IQCJ: variants seen among roughly 807,000 people sequenced by gnomAD.
IQCJ encodes the protein IQ domain-containing protein J.
IQCJ carries 9 observed loss-of-function variants against 11.0 expected under a neutral mutation model. That is an observed-to-expected ratio of 0.82 (90% CI 0.49 to 1.43). The LOEUF (loss-of-function observed/expected upper bound fraction) is 1.43. Ranked by LOEUF, IQCJ falls within the 40% of genes most tolerant of loss-of-function variation. The probability of loss-of-function intolerance (pLI) is 0.00; values close to 1 mark genes in which losing one functional copy is unlikely to be tolerated. For synonymous variants in IQCJ, 55 were observed against 51.3 expected (o/e 1.07, Z -0.31); for missense variants, 146 against 133.2 (o/e 1.10, Z -0.47).
At chr3:159,133,853 C>T (rs1720135225) in intron 1 of IQCJ, among the ~76,000 whole-genome samples, 1 of 151,890 alleles carries the variant, frequency 6.6e-6, no homozygotes, top group South Asian at 2.1e-4. Context: ...CTTTAAACAA[C>T]AATTTACTAT....
At chr3:159,092,679 C>G (rs1717403604) in intron 1 of IQCJ, among the ~76,000 whole-genome samples, 1 of 139,368 alleles carries the variant, frequency 7.2e-6, no homozygotes, top group East Asian at 2.1e-4. Context: ...GCCTGGGCGA[C>G]AGAGTGAGAC....
In IQCJ at chr3:159,263,589, ATTACTTCCAAAAATTTTTCT is replaced by A. The variant is rs1441650479; in HGVS notation, c.*861_*880del. ...AGAAATGAAGTAATTACACAAGTAT[ATTACTTCCAAAAATTTTTCT>A]TTTACTTTTGGTTATCATGTTTATT... On this transcript the variant is annotated 3_prime_UTR_variant, in exon 4 of 4. Transcript: ENST00000397832. The A allele has an allele frequency of 2.4e-5, 24 of 984,972 alleles. No homozygotes were observed. The highest frequency in any genetic ancestry group is 2.5e-5 in the Non-Finnish European group (21 of 829,636). 61.0% of individuals were successfully genotyped at this position (984,972 alleles called of 1,614,324 possible).
chr3:159,167,616 A>G (rs576319836), intron 1 of IQCJ, among the ~76,000 whole-genome samples: 2 of 152,202 alleles, frequency 1.3e-5, no homozygotes, highest in African/African-American at 4.8e-5. Context: ...TGTTTTGAAG[A>G]TGGAAGAAAG....
At chr3:159,220,009 GA>G (rs937076867) in intron 1 of IQCJ, among the ~76,000 whole-genome samples, 1 of 152,088 alleles carries the variant, frequency 6.6e-6, no homozygotes, top group South Asian at 2.1e-4. Flanking sequence ...GTTGAGGCAT[GA>G]AAAAAACCCA....
chr3:159,144,657 CACAG>C (rs1403673993), intron 1 of IQCJ, among the ~76,000 whole-genome samples: 5 of 34,978 alleles, frequency 1.4e-4, no homozygotes, highest in Non-Finnish European at 2.2e-4. Flanking sequence ...CACATACACA[CACAG>C]ACACACACAC....
chr3:159,080,344 G>A (rs1410411801), intron 1 of IQCJ, among the ~76,000 whole-genome samples: 2 of 152,016 alleles, frequency 1.3e-5, no homozygotes, highest in Non-Finnish European at 2.9e-5. Flanking sequence ...AGTCAGGGGC[G>A]TATAAACTCT....
At chr3:159,257,429 C>T (rs1727957271) in intron 3 of IQCJ, among the ~76,000 whole-genome samples, 1 of 152,146 alleles carries the variant, frequency 6.6e-6, no homozygotes, top group African/African-American at 2.4e-5. Context: ...CATTGACATT[C>T]TTGACAGTCT....
At chr3:159,115,751 C>T (rs1212266820) in intron 1 of IQCJ, among the ~76,000 whole-genome samples, 1 of 152,104 alleles carries the variant, frequency 6.6e-6, no homozygotes, top group East Asian at 1.9e-4. Flanking sequence ...GGAGACCCAT[C>T]TCTAAAAAAA....
At chr3:159,105,838 A>G (rs1335029898) in intron 1 of IQCJ, among the ~76,000 whole-genome samples, 2 of 152,208 alleles carry the variant, frequency 1.3e-5, no homozygotes, top group African/African-American at 4.8e-5. Context: ...CGTATAGGAC[A>G]TGATGAGGAC....
intron 1 of IQCJ, among the ~76,000 whole-genome samples, chr3:159,088,467 G>A (rs1192495092): frequency 2.6e-5 from 4 of 152,186 alleles, no homozygotes; most frequent in East Asian, 3.9e-4. Flanking sequence ...CAATTCCTGG[G>A]TATCCTTGTT....
chr3:159,179,194 G>T (rs909877080), intron 1 of IQCJ, among the ~76,000 whole-genome samples: 2 of 152,062 alleles, frequency 1.3e-5, no homozygotes, highest in African/African-American at 2.4e-5. Flanking sequence ...TATGCAGTTT[G>T]GATGCTAGAC....
At chr3:159,101,257 C>T (rs373339273) in intron 1 of IQCJ, among the ~76,000 whole-genome samples, 7 of 149,828 alleles carry the variant, frequency 4.7e-5, no homozygotes, top group East Asian at 2.0e-4. Flanking sequence ...CACTGGCCTG[C>T]GCCCACTGTC....
chr3:159,186,631 C>T (rs1461054230), intron 1 of IQCJ, among the ~76,000 whole-genome samples: 1 of 152,198 alleles, frequency 6.6e-6, no homozygotes, highest in African/African-American at 2.4e-5. Flanking sequence ...AGAAAATGTG[C>T]TCATGCTCTT....
At chr3:159,159,274 AG>A (rs1721701900) in intron 1 of IQCJ, among the ~76,000 whole-genome samples, 1 of 152,094 alleles carries the variant, frequency 6.6e-6, no homozygotes, top group African/African-American at 2.4e-5. Context: ...TTGATAAAGG[AG>A]AAGGTTGGGG....
intron 3 of IQCJ, 78 bp downstream of exon 3, chr3:159,252,885 A>C (rs1727685438): frequency 1.4e-6 from 2 of 1,406,446 alleles, no homozygotes; most frequent in South Asian, 1.3e-5. Flanking sequence ...ATTTTCGGGC[A>C]CAACAGTTAT....
intron 1 of IQCJ, among the ~76,000 whole-genome samples, chr3:159,197,096 C>T (rs1051235829): frequency 6.6e-6 from 1 of 151,934 alleles, no homozygotes; most frequent in Non-Finnish European, 1.5e-5. Context: ...ACTTCCTTTG[C>T]CACTTGTATG....
At chr3:159,198,826 A>C (rs1459260744) in intron 1 of IQCJ, among the ~76,000 whole-genome samples, 1 of 152,228 alleles carries the variant, frequency 6.6e-6, no homozygotes, top group Non-Finnish European at 1.5e-5. Flanking sequence ...TCTGAATTTA[A>C]GTAAAAAAAG....
intron 1 of IQCJ, among the ~76,000 whole-genome samples, chr3:159,142,235 G>A (rs541324545): frequency 4.6e-5 from 7 of 152,260 alleles, no homozygotes; most frequent in African/African-American, 1.7e-4. Flanking sequence ...ACTGAACATG[G>A]TAAATCTATT....
At chr3:159,089,933 C>T (rs567581526) in intron 1 of IQCJ, among the ~76,000 whole-genome samples, 1 of 152,046 alleles carries the variant, frequency 6.6e-6, no homozygotes, top group Non-Finnish European at 1.5e-5. Context: ...CAAAGTTATT[C>T]TCCATCCAGC....
Sources: gnomAD v4.1 joint callset for allele counts (sites outside exome capture counted in the v4.1 genomes callset) on GRCh38, gnomAD v4.1.1 for gene constraint, MANE v1.5 for transcripts, NCBI Gene and HGNC (gene_info 2026-07-23, HGNC 2026-07-21) for gene names.